The following RFX3 variants were observed in gnomAD, a reference collection of about 807,000 sequenced individuals.
RFX3 encodes transcription factor RFX3.
A neutral mutation model predicts 98.6 loss-of-function variants in RFX3; 14 were observed. That is an observed-to-expected ratio of 0.14 (90% CI 0.09 to 0.22). The LOEUF (loss-of-function observed/expected upper bound fraction) is 0.22. RFX3 is among the 10% of genes least tolerant of loss of function. RFX3 has a pLI of 1.00. For missense variants in RFX3, 639 were observed against 926.9 expected (o/e 0.69, Z 4.03); for synonymous variants, 383 against 328.4 (o/e 1.17, Z -1.80).
intron 2 of RFX3, among the ~76,000 whole-genome samples, chr9:3,355,044 C>A (rs1652735312): frequency 6.6e-6 from 1 of 151,422 alleles, no homozygotes; most frequent in Non-Finnish European, 1.5e-5. Flanking sequence ...ATTGGTTGAA[C>A]ACAGACTGAT....
chr9:3,368,873 G>T (rs1388974416), intron 2 of RFX3, among the ~76,000 whole-genome samples: 1 of 152,120 alleles, frequency 6.6e-6, no homozygotes, highest in Non-Finnish European at 1.5e-5. Flanking sequence ...CAAAAACAGT[G>T]GTAATTCTGA....
At chr9:3,229,916 C>G (rs774067576) in intron 15 of RFX3, among the ~76,000 whole-genome samples, 3 of 151,948 alleles carry the variant, frequency 2.0e-5, no homozygotes, top group Non-Finnish European at 4.4e-5. Context: ...TTTTCCTTAC[C>G]TAGACAAGTA....
intron 1 of RFX3, among the ~76,000 whole-genome samples, chr9:3,510,071 C>G (rs1288100755): frequency 6.6e-6 from 1 of 151,986 alleles, no homozygotes; most frequent in Admixed American, 6.6e-5. Context: ...ACATGTGTGA[C>G]TCTAGTGAGA....
chr9:3,521,236 A>G (rs71508568), intron 1 of RFX3, among the ~76,000 whole-genome samples: 1 of 152,198 alleles, frequency 6.6e-6, no homozygotes, highest in Non-Finnish European at 1.5e-5. Flanking sequence ...AAATATCTAC[A>G]TAAGATAATC....
At chr9:3,269,622 T>C (rs986114629) in intron 11 of RFX3, among the ~76,000 whole-genome samples, 1 of 152,156 alleles carries the variant, frequency 6.6e-6, no homozygotes, top group African/African-American at 2.4e-5. Flanking sequence ...AAAATAGCTT[T>C]GTTTGCTACA....
chr9:3,366,718 C>CT (rs1413047360), intron 2 of RFX3, among the ~76,000 whole-genome samples: 5 of 90,456 alleles, frequency 5.5e-5, no homozygotes, highest in South Asian at 6.8e-4. Context: ...TTCTTTCTTT[C>CT]TTTCTTTCTT....
intron 3 of RFX3, among the ~76,000 whole-genome samples, chr9:3,336,456 TA>T (rs1833190306): frequency 6.6e-6 from 1 of 151,758 alleles, no homozygotes; most frequent in South Asian, 2.1e-4. Flanking sequence ...GCATACCAAA[TA>T]GGATAGTTAA....
intron 1 of RFX3, among the ~76,000 whole-genome samples, chr9:3,508,334 C>T (rs1433341881): frequency 6.6e-6 from 1 of 151,856 alleles, no homozygotes; most frequent in Non-Finnish European, 1.5e-5. Flanking sequence ...TTGAATTACA[C>T]TTTCAATATT....
chr9:3,504,182 CATATTATATATTATAT>C lies in RFX3; in HGVS notation c.-9+21549_-9+21564del, dbSNP rs1564183270. 3.5e-5 allele frequency among the ~76,000 whole-genome samples: 3 copies of C among 85,278 alleles called. No homozygotes were observed. In the East Asian group the frequency reaches 3.3e-3, roughly 95 times the overall value. The allele number at this position is 85,278 out of a possible 152,430, so 55.9% of individuals were successfully genotyped here. ...TATATTATATATATTATATATTATA[CATATTATATATTATAT>C]ATATTATATATATTATATACTATAT... is the stretch of plus-strand genomic sequence containing the variant. On this transcript the variant is annotated intron_variant, in intron 1 of 16. Coordinates refer to ENST00000617270, the MANE Select transcript of RFX3 (RefSeq NM_001282116.2).
chr9:3,252,422 G>A (rs747416374), intron 14 of RFX3, among the ~76,000 whole-genome samples: 14 of 150,430 alleles, frequency 9.3e-5, no homozygotes, highest in Non-Finnish European at 1.9e-4. Context: ...GATGAGGGCA[G>A]GCATTTTAAG....
At chr9:3,428,543 T>C (rs567681509) in intron 1 of RFX3, among the ~76,000 whole-genome samples, 1 of 152,304 alleles carries the variant, frequency 6.6e-6, no homozygotes, top group East Asian at 1.9e-4. Flanking sequence ...TACCATGCTG[T>C]CCTTCATAAC....
chr9:3,511,508 T>C (rs1045726273), intron 1 of RFX3, among the ~76,000 whole-genome samples: 3 of 152,176 alleles, frequency 2.0e-5, no homozygotes, highest in African/African-American at 7.2e-5. Flanking sequence ...TATCATAAAC[T>C]ATCAGTACAT....
intron 1 of RFX3, among the ~76,000 whole-genome samples, chr9:3,434,191 T>A (rs1053849412): frequency 6.6e-6 from 1 of 152,126 alleles, no homozygotes; most frequent in Non-Finnish European, 1.5e-5. Context: ...AGGTCCTACA[T>A]AATTAGTAAT....
At chr9:3,355,910 C>T (rs765941110) in intron 2 of RFX3, among the ~76,000 whole-genome samples, 3 of 151,690 alleles carry the variant, frequency 2.0e-5, no homozygotes, top group South Asian at 2.1e-4. Flanking sequence ...ATTTGTAAAA[C>T]GAACAATATA....
At chr9:3,502,761 T>C (rs185374520) in intron 1 of RFX3, among the ~76,000 whole-genome samples, 32 of 152,234 alleles carry the variant, frequency 2.1e-4, no homozygotes, top group East Asian at 7.7e-4. Context: ...GGCAGAGCAA[T>C]GGACTGGCAA....
intron 15 of RFX3, among the ~76,000 whole-genome samples, chr9:3,243,794 G>A (rs1387196142): frequency 6.6e-6 from 1 of 152,108 alleles, no homozygotes; most frequent in Non-Finnish European, 1.5e-5. Flanking sequence ...CAAAGTTTGT[G>A]ACTATTTTGC....
rs139870341 is a variant in RFX3, at chr9:3,449,412, T to C, written c.-8-53816A>G. 1.9e-3 allele frequency among the ~76,000 whole-genome samples: 292 copies of C among 152,356 alleles called. 2 individuals are homozygous for C. Among genetic ancestry groups the C allele is most frequent in the African/African-American group, 6.7e-3 (279 of 41,588 alleles). On this transcript the variant is annotated intron_variant, in intron 1 of 16. Coordinates refer to ENST00000617270, the MANE Select transcript of RFX3 (RefSeq NM_001282116.2). Reference sequence around the variant, plus strand: ...GTCATGTTTGCTTATTTATTAGAGATGGTTTCATTTACCCTTCCCTCAGTT... The same window carrying C: ...GTCATGTTTGCTTATTTATTAGAGACGGTTTCATTTACCCTTCCCTCAGTT...
intron 4 of RFX3, among the ~76,000 whole-genome samples, chr9:3,328,783 G>A (rs1462602779): frequency 6.6e-6 from 1 of 151,916 alleles, no homozygotes; most frequent in Non-Finnish European, 1.5e-5. Context: ...TAATATCCTG[G>A]AGAAAATCCA....
rs146592149 is a variant in RFX3, at chr9:3,339,901, A to G, written c.215+6766T>C. On this transcript the variant is annotated intron_variant, in intron 3 of 16. Coordinates refer to ENST00000617270, the MANE Select transcript of RFX3 (RefSeq NM_001282116.2). Reference sequence around the variant, plus strand: ...TTTCTTCACAGAATTGGAAAAAACTACTTTAAAGTTCATATGGAACCAAAA... The same window carrying G: ...TTTCTTCACAGAATTGGAAAAAACTGCTTTAAAGTTCATATGGAACCAAAA... Among the ~76,000 whole-genome samples the G allele has an allele frequency of 3.8e-3, 583 of 152,152 alleles. 2 individuals are homozygous for G. Among genetic ancestry groups the G allele is most frequent in the Non-Finnish European group, 6.7e-3 (456 of 68,004 alleles).
Sources: gnomAD v4.1 joint callset for allele counts (sites outside exome capture counted in the v4.1 genomes callset) on GRCh38, gnomAD v4.1.1 for gene constraint, MANE v1.5 for transcripts, NCBI Gene and HGNC (gene_info 2026-07-23, HGNC 2026-07-21) for gene names.